MTUS2: variants seen among roughly 807,000 people sequenced by gnomAD.
MTUS2 encodes the protein microtubule-associated tumor suppressor candidate 2.
MTUS2 carries 40 observed loss-of-function variants against 114.1 expected under a neutral mutation model. That is an observed-to-expected ratio of 0.35 (90% CI 0.27 to 0.46). The LOEUF (loss-of-function observed/expected upper bound fraction) is 0.46. MTUS2 is among the 20% of genes least tolerant of loss of function. MTUS2 has a pLI of 1.00. For synonymous variants in MTUS2, 688 were observed against 672.0 expected, an observed-to-expected ratio of 1.02 and a Z score of -0.37; for missense variants, 1,679 against 1,705.4, an observed-to-expected ratio of 0.98 and a Z score of 0.27.
chr13:29,232,670 T>A (rs1366778704), intron 5 of MTUS2, among the ~76,000 whole-genome samples: 1 of 152,216 alleles, frequency 6.6e-6, no homozygotes, highest in African/African-American at 2.4e-5. Flanking sequence ...TACCTTTTGC[T>A]CATTTTTAGC....
intron 2 of MTUS2, among the ~76,000 whole-genome samples, chr13:28,879,304 G>A (rs73454667): frequency 0.085 from 12,920 of 152,190 alleles, 1,778 homozygotes; most frequent in African/African-American, 0.29. Context: ...AAAAGAATAT[G>A]TTTTCCTTAA....
rs528835199 is a variant in MTUS2 at position 29,186,474 on chromosome 13, A to C, written c.2644+85504A>C. Among the ~76,000 whole-genome samples the C allele has an allele frequency of 2.0e-5, 3 of 152,370 alleles. No homozygotes were observed. In the South Asian group the frequency reaches 6.2e-4, roughly 32 times the overall value. On this transcript the variant is annotated intron_variant, in intron 5 of 15. Transcript: ENST00000612955. ...TGTAAACAGGATCCAAAAGATATTT[A>C]ATGTGGTCATATTAATGTCAGACAA... is the stretch of plus-strand genomic sequence containing the variant.
intron 5 of MTUS2, among the ~76,000 whole-genome samples, chr13:29,195,399 A>AT (rs990066362): frequency 6.6e-6 from 1 of 151,858 alleles, no homozygotes. Flanking sequence ...ATTTTCCTCC[A>AT]TTTTTTCTGT....
intron 2 of MTUS2, among the ~76,000 whole-genome samples, chr13:28,894,825 T>C (rs942443066): frequency 6.6e-6 from 1 of 152,194 alleles, no homozygotes; most frequent in African/African-American, 2.4e-5. Flanking sequence ...AAATGTATGC[T>C]CTAAGTATGG....
At chr13:29,349,126 G>A (rs1275951458) in intron 7 of MTUS2, among the ~76,000 whole-genome samples, 1 of 150,390 alleles carries the variant, frequency 6.6e-6, no homozygotes, top group Non-Finnish European at 1.5e-5. Context: ...GCCTTCTTTT[G>A]GCATTGGATA....
At chr13:28,947,041 A>G (rs1482974734) in intron 2 of MTUS2, among the ~76,000 whole-genome samples, 1 of 152,186 alleles carries the variant, frequency 6.6e-6, no homozygotes, top group African/African-American at 2.4e-5. Flanking sequence ...CCAGATGTAG[A>G]GAGTAAGAAG....
chr13:29,043,049 G>A (rs968603467), intron 4 of MTUS2, among the ~76,000 whole-genome samples: 2 of 152,054 alleles, frequency 1.3e-5, no homozygotes, highest in Non-Finnish European at 1.5e-5. Context: ...CTTGAGGTGT[G>A]ACCTTAGATT....
At chr13:28,887,406 T>A (rs1308916695) in intron 2 of MTUS2, among the ~76,000 whole-genome samples, 2 of 152,188 alleles carry the variant, frequency 1.3e-5, no homozygotes, top group African/African-American at 4.8e-5. Context: ...CAGGAGATAC[T>A]TAGTGAGAGT....
intron 4 of MTUS2, among the ~76,000 whole-genome samples, chr13:29,088,596 T>C (rs922914609): frequency 4.6e-5 from 7 of 152,206 alleles, no homozygotes; most frequent in African/African-American, 1.7e-4. Context: ...TATTGTGTGG[T>C]TATCTAAGTT....
intron 2 of MTUS2, among the ~76,000 whole-genome samples, chr13:28,983,690 G>A (rs1874730032): frequency 6.6e-6 from 1 of 152,132 alleles, no homozygotes; most frequent in African/African-American, 2.4e-5. Context: ...GCAGATTCTT[G>A]GGTCCCACCC....
intron 8 of MTUS2, among the ~76,000 whole-genome samples, chr13:29,391,279 AG>A (rs2138438483): frequency 6.6e-6 from 1 of 152,226 alleles, no homozygotes; most frequent in Non-Finnish European, 1.5e-5. Context: ...TAGTAGAGAC[AG>A]GGTTTCACCA....
chr13:28,943,001 G>A (rs1882329006), intron 2 of MTUS2, among the ~76,000 whole-genome samples: 1 of 152,088 alleles, frequency 6.6e-6, no homozygotes, highest in African/African-American at 2.4e-5. Flanking sequence ...TGAGTTAGAA[G>A]GTTACCATAT....
chr13:28,897,219 C>A (rs1348976455), intron 2 of MTUS2, among the ~76,000 whole-genome samples: 1 of 151,898 alleles, frequency 6.6e-6, no homozygotes, highest in Admixed American at 6.6e-5. Flanking sequence ...AAAAACAATC[C>A]CATCAACAAG....
intron 5 of MTUS2, among the ~76,000 whole-genome samples, chr13:29,183,147 T>C (rs951932896): frequency 1.3e-5 from 2 of 152,068 alleles, no homozygotes; most frequent in Non-Finnish European, 2.9e-5. Flanking sequence ...GATGTGAGGA[T>C]GAATTGTACC....
At chr13:29,213,946 TTG>T (rs1320622379) in intron 5 of MTUS2, among the ~76,000 whole-genome samples, 4 of 152,318 alleles carry the variant, frequency 2.6e-5, no homozygotes, top group South Asian at 2.1e-4. Flanking sequence ...CCATTTTTTT[TTG>T]TTCATGTATT....
rs1593367721 is a variant in MTUS2 at position 29,375,575 on chromosome 13, ATATATATATATACGT to A, written c.3117+16103_3117+16117del. On this transcript the variant is annotated intron_variant, in intron 8 of 15. Coordinates refer to ENST00000612955, the MANE Select transcript of MTUS2 (RefSeq NM_001033602.4). ...TATATATACGTATATATATATATACATATATATATATACGTATATATATATATATATACGTATATA... is the reference window on the plus strand; with the variant it reads ...TATATATACGTATATATATATATACAATATATATATATATATACGTATATA... Among the ~76,000 whole-genome samples the A allele has an allele frequency of 2.6e-3, 9 of 3,522 alleles. 4 individuals carry two copies. The South Asian group carries it at 0.078, about 31-fold the overall frequency. 2.3% of individuals were successfully genotyped at this position (3,522 alleles called of 152,430 possible).
chr13:28,876,659 C>G (rs1350703007), intron 2 of MTUS2, among the ~76,000 whole-genome samples: 1 of 152,158 alleles, frequency 6.6e-6, no homozygotes, highest in Non-Finnish European at 1.5e-5. Context: ...ATTCCTGAAC[C>G]CATCACTAGT....
In MTUS2 at chr13:28,861,445, T is replaced by C. The variant is rs187509824; in HGVS notation, c.-243+21595T>C. Among the ~76,000 whole-genome samples the C allele has an allele frequency of 2.9e-4, 44 of 151,238 alleles. No homozygotes were observed. The East Asian group carries it at 8.5e-3, about 29-fold the overall frequency. On this transcript the variant is annotated intron_variant, in intron 2 of 15. Coordinates refer to ENST00000612955, the MANE Select transcript of MTUS2 (RefSeq NM_001033602.4). ...TCTGAGCCTCTGTTTTTTTCTTTTT[T>C]TTTTTTTTTTACCCTTAATGGTGTT...
intron 8 of MTUS2, among the ~76,000 whole-genome samples, chr13:29,399,845 A>G (rs1874191268): frequency 6.6e-6 from 1 of 152,244 alleles, no homozygotes; most frequent in Non-Finnish European, 1.5e-5. Context: ...ACAAATCAAC[A>G]GGAAATTCAT....
Sources: allele counts gnomAD v4.1 joint callset (sites outside exome capture counted in the v4.1 genomes callset), GRCh38; gene constraint gnomAD v4.1.1; transcripts MANE v1.5; gene names NCBI Gene and HGNC (gene_info 2026-07-23, HGNC 2026-07-21).